The following SORBS2 variants were observed in gnomAD, a reference collection of about 807,000 sequenced individuals.
SORBS2 encodes sorbin and SH3 domain containing 2.
A neutral mutation model predicts 97.7 loss-of-function variants in SORBS2; 46 were observed. The observed-to-expected ratio is 0.47, with a 90% CI of 0.37 to 0.60. The LOEUF (loss-of-function observed/expected upper bound fraction) is 0.60. Ranked by LOEUF, SORBS2 falls within the 20% of genes least tolerant of loss-of-function variation. SORBS2 has a pLI of 0.00. For synonymous variants in SORBS2, 476 were observed against 473.4 expected, an observed-to-expected ratio of 1.01 and a Z score of -0.07; for missense variants, 1,316 against 1,282.3, an observed-to-expected ratio of 1.03 and a Z score of -0.40.
At chr4:185,847,537 C>T (rs528392247) in intron 1 of SORBS2, among the ~76,000 whole-genome samples, 39 of 152,248 alleles carry the variant, frequency 2.6e-4, no homozygotes, top group Non-Finnish European at 5.1e-4. Flanking sequence ...GACATACATC[C>T]TCCTCTCCTC....
exon 6 of SORBS2, chr4:185,626,954 C>T (rs769151662): frequency 1.4e-5 from 23 of 1,614,038 alleles, no homozygotes; most frequent in African/African-American, 1.3e-4. Flanking sequence ...TCCCAAGCCC[C>T]GTGGTGGACC....
intron 4 of SORBS2, among the ~76,000 whole-genome samples, chr4:185,636,021 G>A (rs1395674032): frequency 1.3e-5 from 2 of 151,968 alleles, no homozygotes; most frequent in African/African-American, 4.8e-5. Context: ...ACCATGCCCA[G>A]CTAATTTTTG....
intron 2 of SORBS2, among the ~76,000 whole-genome samples, chr4:185,694,372 T>C (rs2098140408): frequency 6.6e-6 from 1 of 152,186 alleles, no homozygotes; most frequent in Admixed American, 6.5e-5. Flanking sequence ...GAACTGACCA[T>C]AACATGGAGA....
intron 12 of SORBS2, among the ~76,000 whole-genome samples, chr4:185,610,789 G>C (rs940964249): frequency 2.0e-5 from 3 of 151,892 alleles, no homozygotes; most frequent in Non-Finnish European, 4.4e-5. Context: ...TCATGTCCTA[G>C]CCTTGATCTC....
intron 4 of SORBS2, among the ~76,000 whole-genome samples, chr4:185,668,083 A>C (rs1477322415): frequency 2.0e-5 from 3 of 152,188 alleles, no homozygotes; most frequent in African/African-American, 7.2e-5. Flanking sequence ...ATACAAAAGG[A>C]TTTGAGTTAT....
chr4:185,706,954 G>C (rs560082328), intron 2 of SORBS2, among the ~76,000 whole-genome samples: 8 of 152,106 alleles, frequency 5.3e-5, no homozygotes, highest in Non-Finnish European at 1.2e-4. Flanking sequence ...CTATATTGGA[G>C]AGTTCTGTCA....
chr4:185,784,705 C>A (rs543885887), intron 1 of SORBS2, among the ~76,000 whole-genome samples: 42 of 152,230 alleles, frequency 2.8e-4, no homozygotes, highest in African/African-American at 9.9e-4. Flanking sequence ...ACCGGCTGAA[C>A]GACAGCAATA....
intron 2 of SORBS2, among the ~76,000 whole-genome samples, chr4:185,723,501 G>C (rs1325327224): frequency 1.3e-5 from 2 of 152,214 alleles, no homozygotes; most frequent in African/African-American, 2.4e-5. Flanking sequence ...GGAGAAGAAA[G>C]GACAGCCCGT....
intron 1 of SORBS2, among the ~76,000 whole-genome samples, chr4:185,829,759 A>G (rs1341820792): frequency 6.6e-6 from 1 of 152,248 alleles, no homozygotes; most frequent in Non-Finnish European, 1.5e-5. Context: ...TCCATGAAAA[A>G]TTATTTCATA....
At chr4:185,725,475 GA>G (rs2098548804) in intron 2 of SORBS2, among the ~76,000 whole-genome samples, 1 of 152,162 alleles carries the variant, frequency 6.6e-6, no homozygotes, top group African/African-American at 2.4e-5. Context: ...GAGCTTCTTT[GA>G]CATAGCTAAT....
chr4:185,661,589 A>G (rs1378832972), upstream of SORBS2, among the ~76,000 whole-genome samples: 9 of 152,244 alleles, frequency 5.9e-5, no homozygotes, highest in African/African-American at 2.2e-4. Flanking sequence ...CTGCTACCAT[A>G]TCCCTGACTG....
intron 1 of SORBS2, among the ~76,000 whole-genome samples, chr4:185,878,680 C>A (rs1355652779): frequency 6.6e-6 from 1 of 152,204 alleles, no homozygotes; most frequent in Non-Finnish European, 1.5e-5. Context: ...GACACTCTTG[C>A]TCTTCTGCAT....
upstream of SORBS2, among the ~76,000 whole-genome samples, chr4:185,659,254 C>T (rs533943526): frequency 2.3e-4 from 35 of 152,190 alleles, no homozygotes; most frequent in Non-Finnish European, 3.8e-4. Flanking sequence ...CCTGAATAAA[C>T]GAACAGCATC....
At position 185,842,930 on chromosome 4, in the gene SORBS2, TAAAA is replaced by T. The variant is rs56193107; in HGVS notation, c.-337-67568_-337-67565del. On this transcript the variant is annotated intron_variant, in intron 1 of 20. Coordinates refer to the SORBS2 transcript ENST00000284776. The stretch of plus-strand genomic sequence containing the variant: ...AGCCTGGCGACAGAGAAAGACTGTC[TAAAA>T]AAAAAAAAAAAAAAATTAAATTTAA... Among the ~76,000 whole-genome samples the T allele has an allele frequency of 1.5e-3, 180 of 122,358 alleles. 3 individuals are homozygous for T. Among genetic ancestry groups the T allele is most frequent in the African/African-American group, 5.5e-3 (177 of 32,162 alleles). 80.3% of individuals were successfully genotyped at this position (122,358 alleles called of 152,430 possible).
chr4:185,810,989 G>C (rs1038244343), intron 1 of SORBS2: 2 of 152,190 alleles, frequency 1.3e-5, no homozygotes, highest in East Asian at 3.9e-4. Context: ...TCTTTCCTTG[G>C]ATTCTGAGCC....
intron 2 of SORBS2, among the ~76,000 whole-genome samples, chr4:185,735,489 C>G (rs2098678445): frequency 6.6e-6 from 1 of 150,622 alleles, no homozygotes; most frequent in Non-Finnish European, 1.5e-5. Flanking sequence ...GAAAAAAGGG[C>G]AAACACACAC....
intron 4 of SORBS2, chr4:185,677,418 G>T: frequency 6.4e-7 from 1 of 1,552,310 alleles, no homozygotes; most frequent in Admixed American, 2.0e-5. Flanking sequence ...GATTTTTTGT[G>T]TATATGACAT....
At chr4:185,681,265 A>G (rs956465952) in intron 2 of SORBS2, among the ~76,000 whole-genome samples, 1 of 152,154 alleles carries the variant, frequency 6.6e-6, no homozygotes, top group Non-Finnish European at 1.5e-5. Flanking sequence ...ATAGTCTTCT[A>G]TGTGGACACT....
chr4:185,622,440 A>G (rs1448912392), intron 7 of SORBS2, among the ~76,000 whole-genome samples: 1 of 152,238 alleles, frequency 6.6e-6, no homozygotes, highest in Admixed American at 6.5e-5. Flanking sequence ...CTAATCACAT[A>G]TTTCAGTTTT....
Sources: gnomAD v4.1 joint callset for allele counts (sites outside exome capture counted in the v4.1 genomes callset) on GRCh38, gnomAD v4.1.1 for gene constraint, MANE v1.5 for transcripts, NCBI Gene and HGNC (gene_info 2026-07-23, HGNC 2026-07-21) for gene names.